The following MECOM variants were observed in gnomAD, a reference collection of about 807,000 sequenced individuals.
The protein encoded by MECOM is histone-lysine N-methyltransferase MECOM.
MECOM carries 13 observed loss-of-function variants against 116.3 expected under a neutral mutation model. That is an observed-to-expected ratio of 0.11 (90% confidence interval 0.07 to 0.18). The LOEUF (loss-of-function observed/expected upper bound fraction) is 0.18, where lower values mean the gene tolerates loss of function less well. Among genes scored for constraint, MECOM ranks in the 10% least tolerant of loss-of-function variants. The pLI, the probability that MECOM is intolerant of heterozygous loss-of-function variation, is 1.00. For missense variants in MECOM, 1,299 were observed against 1,509.0 expected, an observed-to-expected ratio of 0.86 and a Z score of 2.31; for synonymous variants, 528 against 535.2, an observed-to-expected ratio of 0.99 and a Z score of 0.19.
At chr3:169,641,484 G>GT (rs1449394858) in intron 1 of MECOM, among the ~76,000 whole-genome samples, 1 of 152,142 alleles carries the variant, frequency 6.6e-6, no homozygotes, top group Non-Finnish European at 1.5e-5. Context: ...GTTTCACTAC[G>GT]TATCTGTGGC....
At chr3:169,523,209 A>C (rs1472581074) in intron 1 of MECOM, among the ~76,000 whole-genome samples, 1 of 152,200 alleles carries the variant, frequency 6.6e-6, no homozygotes, top group Non-Finnish European at 1.5e-5. Flanking sequence ...AGCAGGAGCC[A>C]CACAAACACT....
chr3:169,103,280 C>T (rs1277510868), intron 10 of MECOM, among the ~76,000 whole-genome samples: 6 of 151,820 alleles, frequency 4.0e-5, no homozygotes, highest in African/African-American at 1.5e-4. Context: ...TAGCTTGATT[C>T]TTAAGCTCCA....
At chr3:169,457,868 A>T (rs1039166632) in intron 1 of MECOM, among the ~76,000 whole-genome samples, 1 of 152,194 alleles carries the variant, frequency 6.6e-6, no homozygotes, top group Non-Finnish European at 1.5e-5. Flanking sequence ...ATACACGAAA[A>T]TGTGATGTAA....
chr3:169,438,819 C>A (rs1386965496), intron 1 of MECOM, among the ~76,000 whole-genome samples: 1 of 152,114 alleles, frequency 6.6e-6, no homozygotes, highest in Non-Finnish European at 1.5e-5. Context: ...AATAAAACAA[C>A]TTTTTATTAA....
At chr3:169,112,322 G>A (rs1727677154) in intron 9 of MECOM, among the ~76,000 whole-genome samples, 2 of 152,128 alleles carry the variant, frequency 1.3e-5, no homozygotes, top group Non-Finnish European at 2.9e-5. Flanking sequence ...GGAATGCTCA[G>A]TGGTCTCTAG....
intron 1 of MECOM, among the ~76,000 whole-genome samples, chr3:169,638,805 G>A (rs549868836): frequency 5.9e-5 from 9 of 152,282 alleles, no homozygotes; most frequent in South Asian, 4.1e-4. Context: ...GATTCATGCC[G>A]CCTTCCACAG....
At chr3:169,417,105 A>G (rs999966443) in intron 1 of MECOM, among the ~76,000 whole-genome samples, 1 of 151,768 alleles carries the variant, frequency 6.6e-6, no homozygotes, top group African/African-American at 2.4e-5. Flanking sequence ...AAATTGACAA[A>G]TGGGATCTAA....
In MECOM at chr3:169,636,085, T is replaced by G. The variant is rs537166595; in HGVS notation, c.37+27251A>C. Among the ~76,000 whole-genome samples, 3 of 152,300 alleles carry G rather than the reference T, an allele frequency of 2.0e-5. No homozygotes were observed. The South Asian group carries it at 6.2e-4, about 32-fold the overall frequency. On this transcript the variant is annotated intron_variant, in intron 1 of 16. Coordinates refer to ENST00000651503, the MANE Select transcript of MECOM (RefSeq NM_004991.4). ...AGTCATCTAAAAAGCTTGAGAGCAT[T>G]CTGTCTGCATCATAGATACCAATGT...
At chr3:169,542,202 A>G (rs956030750) in intron 1 of MECOM, among the ~76,000 whole-genome samples, 12 of 152,144 alleles carry the variant, frequency 7.9e-5, no homozygotes, top group African/African-American at 2.7e-4. Context: ...CTTTTTTAAA[A>G]TATTTACCAG....
chr3:169,400,368 T>C (rs1404943226), intron 1 of MECOM, among the ~76,000 whole-genome samples: 1 of 152,200 alleles, frequency 6.6e-6, no homozygotes, highest in East Asian at 1.9e-4. Context: ...TCATCTGGCA[T>C]GCAACAGAGT....
chr3:169,116,816 T>C (rs1016572438), intron 7 of MECOM, 77 bp from the exon 8 acceptor site: 5 of 1,491,704 alleles, frequency 3.4e-6, no homozygotes, highest in Non-Finnish European at 3.5e-6. Context: ...ACAATTGGTT[T>C]ACTCAAAATT....
chr3:169,254,754 G>GA (rs1421914777), intron 2 of MECOM, among the ~76,000 whole-genome samples: 2 of 151,976 alleles, frequency 1.3e-5, no homozygotes, highest in South Asian at 2.1e-4. Flanking sequence ...GAAGAAATGA[G>GA]AAAAAATCTG....
chr3:169,255,139 G>T (rs1756710792), intron 2 of MECOM, among the ~76,000 whole-genome samples: 1 of 152,252 alleles, frequency 6.6e-6, no homozygotes, highest in Admixed American at 6.5e-5. Flanking sequence ...TGCTTGCATA[G>T]ACTTTTGTAA....
chr3:169,400,611 G>A (rs1735721558), intron 1 of MECOM, among the ~76,000 whole-genome samples: 1 of 152,192 alleles, frequency 6.6e-6, no homozygotes, highest in East Asian at 1.9e-4. Context: ...AAATTCGAGA[G>A]TGACTCCTGT....
chr3:169,607,307 A>G (rs1004646622), intron 1 of MECOM, among the ~76,000 whole-genome samples: 1 of 152,228 alleles, frequency 6.6e-6, no homozygotes, highest in Non-Finnish European at 1.5e-5. Flanking sequence ...AAAGCACATA[A>G]TATGAAATAA....
At chr3:169,147,064 C>T in intron 2 of MECOM, 5 of 989,830 alleles carry the variant, frequency 5.1e-6, no homozygotes, top group Non-Finnish European at 6.0e-6. Flanking sequence ...TGGCTTTTTC[C>T]CCCTTCCTAA....
At chr3:169,123,556 C>A (rs1211112912) in intron 5 of MECOM, among the ~76,000 whole-genome samples, 1 of 151,844 alleles carries the variant, frequency 6.6e-6, no homozygotes, top group Admixed American at 6.6e-5. Flanking sequence ...TAATGAAAAG[C>A]AAATATTATA....
chr3:169,323,511 T>C (rs1287467498), intron 2 of MECOM, among the ~76,000 whole-genome samples: 1 of 152,186 alleles, frequency 6.6e-6, no homozygotes, highest in Non-Finnish European at 1.5e-5. Flanking sequence ...GGCCAGGGAA[T>C]GCTTATCTAA....
At chr3:169,407,686 T>C (rs1197684764) in intron 1 of MECOM, among the ~76,000 whole-genome samples, 1 of 152,266 alleles carries the variant, frequency 6.6e-6, no homozygotes, top group African/African-American at 2.4e-5. Flanking sequence ...AGGATATTTC[T>C]ACTTAGGATT....
Sources: gnomAD v4.1 joint callset for allele counts (sites outside exome capture counted in the v4.1 genomes callset) on GRCh38, gnomAD v4.1.1 for gene constraint, MANE v1.5 for transcripts, NCBI Gene and HGNC (gene_info 2026-07-23, HGNC 2026-07-21) for gene names.